The following SLC47A2 variants were observed in gnomAD, a reference collection of about 807,000 sequenced individuals.
SLC47A2 encodes the protein solute carrier family 47 member 2.
A neutral mutation model predicts 67.7 loss-of-function variants in SLC47A2; 52 were observed. That is an observed-to-expected ratio of 0.77 (90% CI 0.61 to 0.97). SLC47A2 has a LOEUF of 0.97. SLC47A2 is among the 50% of genes least tolerant of loss of function. The probability of loss-of-function intolerance (pLI) is 0.00; values close to 1 mark genes in which losing one functional copy is unlikely to be tolerated. For synonymous variants in SLC47A2, 278 were observed against 292.9 expected (o/e 0.95, Z 0.52); for missense variants, 676 against 712.3 (o/e 0.95, Z 0.58).
intron 9 of SLC47A2, among the ~76,000 whole-genome samples, 185 bp downstream of exon 9, chr17:19,706,463 G>A (rs1381525194): frequency 6.6e-6 from 1 of 152,206 alleles, no homozygotes; most frequent in Admixed American, 6.5e-5. Flanking sequence ...GATCAGCCCC[G>A]CTGGGCAGTG....
At chr17:19,686,273 A>G (rs1314935047) in intron 13 of SLC47A2, among the ~76,000 whole-genome samples, 1 of 152,168 alleles carries the variant, frequency 6.6e-6, no homozygotes, top group African/African-American at 2.4e-5. Flanking sequence ...AAATAAATAA[A>G]TAATATTGCA....
upstream of SLC47A2, chr17:19,716,906 G>A (rs193264085): frequency 2.6e-3 from 571 of 221,124 alleles, 2 homozygotes; most frequent in African/African-American, 0.012. Context: ...GGCCAGGACA[G>A]GGCAGCCTGG....
chr17:19,714,885 C>G, intron 2 of SLC47A2, 96 bp from the exon 3 acceptor site: 17 of 1,535,090 alleles, frequency 1.1e-5, no homozygotes, highest in Non-Finnish European at 1.5e-5. Flanking sequence ...AAATGCTGCC[C>G]AGCAGGCAGC....
chr17:19,678,597 G>T lies in SLC47A2; in HGVS notation c.*89C>A. Reference sequence around the variant, plus strand: ...TGGTTCAAAGTGTCCACCTGCACTAGACCCCATTGGTGTTTTTGCAGGGCA... The same window carrying T: ...TGGTTCAAAGTGTCCACCTGCACTATACCCCATTGGTGTTTTTGCAGGGCA... On this transcript the variant is annotated 3_prime_UTR_variant, in exon 17 of 17. Transcript: ENST00000433844. 1 of 1,352,734 alleles carries T rather than the reference G, an allele frequency of 7.4e-7. No individual in the cohort carries two copies. Among genetic ancestry groups the T allele is most frequent in the Non-Finnish European group, 1.0e-6 (1 of 953,510 alleles). The allele number at this position is 1,352,734 out of a possible 1,614,324, so 83.8% of individuals were successfully genotyped here.
chr17:19,682,129 G>A (rs1473700869), intron 13 of SLC47A2, among the ~76,000 whole-genome samples: 1 of 152,176 alleles, frequency 6.6e-6, no homozygotes, highest in East Asian at 1.9e-4. Context: ...ACTTTAGGAG[G>A]CTGAGGAGGG....
chr17:19,679,013 C>G, intron 16 of SLC47A2, 107 bp from the exon 17 acceptor site: 2 of 868,574 alleles, frequency 2.3e-6, no homozygotes, highest in Non-Finnish European at 3.7e-6. Context: ...TTTGTTACAC[C>G]TCACAAGGGA....
At chr17:19,701,264 T>TA (rs1482935489) in intron 13 of SLC47A2, among the ~76,000 whole-genome samples, 1 of 150,828 alleles carries the variant, frequency 6.6e-6, no homozygotes, top group Non-Finnish European at 1.5e-5. Flanking sequence ...AGGCCACAAA[T>TA]ATGATGCCAG....
chr17:19,704,783 C>T (rs2085883445), intron 10 of SLC47A2: 8 of 1,112,368 alleles, frequency 7.2e-6, no homozygotes, highest in Non-Finnish European at 1.0e-5. Context: ...TGGCCGACTG[C>T]AGTGTGCAGG....
At chr17:19,696,480 AGAG>A (rs1567623171) in intron 13 of SLC47A2, among the ~76,000 whole-genome samples, 1 of 130,890 alleles carries the variant, frequency 7.6e-6, no homozygotes, top group African/African-American at 3.4e-5. Flanking sequence ...AAAAAAAAAT[AGAG>A]AGAATTTGGA....
chr17:19,708,432 G>C, intron 6 of SLC47A2, 33 bp from the exon 7 acceptor site: 2 of 1,614,204 alleles, frequency 1.2e-6, no homozygotes, highest in Non-Finnish European at 1.7e-6. Flanking sequence ...CTGCTAAGGT[G>C]TGAGTGAGAT....
intron 13 of SLC47A2, among the ~76,000 whole-genome samples, chr17:19,690,684 T>C (rs1157346787): frequency 1.3e-5 from 2 of 152,214 alleles, no homozygotes; most frequent in East Asian, 3.9e-4. Flanking sequence ...ATGGCAAACA[T>C]ATATGAAAAG....
upstream of SLC47A2, chr17:19,718,244 C>T (rs895767707): frequency 6.6e-6 from 1 of 152,276 alleles, no homozygotes; most frequent in African/African-American, 2.4e-5. Context: ...CTTGGCCTGT[C>T]ACCTCCTGTC....
At chr17:19,681,739 C>G in intron 13 of SLC47A2, 69 bp from the exon 14 acceptor site, 3 of 1,555,666 alleles carry the variant, frequency 1.9e-6, no homozygotes, top group Non-Finnish European at 2.6e-6. Flanking sequence ...ATGCAGCAGG[C>G]ACTGTGCTAA....
At chr17:19,707,625 G>C (rs1041303811) in intron 8 of SLC47A2, 121 bp downstream of exon 8, 15 of 788,740 alleles carry the variant, frequency 1.9e-5, no homozygotes, top group African/African-American at 5.2e-5. Context: ...GGCCGTGCAG[G>C]GTCCTGCACC....
chr17:19,717,937 G>A (rs1415809102), upstream of SLC47A2: 1 of 152,226 alleles, frequency 6.6e-6, no homozygotes, highest in Non-Finnish European at 1.5e-5. Context: ...CCTGCCTAGA[G>A]GAAAGAAGAC....
intron 13 of SLC47A2, among the ~76,000 whole-genome samples, chr17:19,700,637 C>T (rs1210388501): frequency 6.6e-6 from 1 of 151,686 alleles, no homozygotes; most frequent in Non-Finnish European, 1.5e-5. Context: ...TGGTAGTGCA[C>T]ACCTGTAGTC....
intron 2 of SLC47A2, 135 bp downstream of exon 2, chr17:19,714,981 G>A: frequency 7.9e-7 from 1 of 1,262,184 alleles, no homozygotes; most frequent in African/African-American, 1.5e-5. Context: ...GGTTCCACCT[G>A]TGAAGGCAGC....
In SLC47A2 at chr17:19,703,178, C is replaced by A. The variant is rs1451694809; in HGVS notation, c.1019-11G>T. 2 of 1,613,794 alleles carry A rather than the reference C, an allele frequency of 1.2e-6. No individual in the cohort carries two copies. Among genetic ancestry groups the A allele is most frequent in the East Asian group, 2.2e-5 (1 of 44,878 alleles). On this transcript the variant is annotated splice_polypyrimidine_tract_variant and intron_variant, in intron 11 of 16. Coordinates refer to ENST00000433844, the MANE Select transcript of SLC47A2 (RefSeq NM_001099646.3). ...CCAGGGAAATGCCAACTGGAAGAGA[C>A]AAAAGGTGCAGCAATGACAGACCCC...
At chr17:19,701,311 G>A (rs1391537828) in intron 13 of SLC47A2, among the ~76,000 whole-genome samples, 1 of 152,084 alleles carries the variant, frequency 6.6e-6, no homozygotes, top group Non-Finnish European at 1.5e-5. Context: ...CTGAGGCTAA[G>A]AACATGTGGC....
Sources: allele counts gnomAD v4.1 joint callset (sites outside exome capture counted in the v4.1 genomes callset), GRCh38; gene constraint gnomAD v4.1.1; transcripts MANE v1.5; gene names NCBI Gene and HGNC (gene_info 2026-07-23, HGNC 2026-07-21).